The following COL27A1 variants were observed in gnomAD, a reference collection of about 807,000 sequenced individuals.
COL27A1 encodes collagen alpha-1(XXVII) chain.
Under a neutral mutation model 251.3 loss-of-function variants are expected in COL27A1, and 106 were observed. The observed-to-expected ratio is 0.42, with a 90% confidence interval of 0.36 to 0.50. The LOEUF (loss-of-function observed/expected upper bound fraction) is 0.50, where lower values mean the gene tolerates loss of function less well. Ranked by LOEUF, COL27A1 falls within the 20% of genes least tolerant of loss-of-function variation. The probability of loss-of-function intolerance (pLI) is 0.00; values close to 1 mark genes in which losing one functional copy is unlikely to be tolerated. For synonymous variants in COL27A1, 1,000 were observed against 986.3 expected (o/e 1.01, Z -0.26); for missense variants, 2,325 against 2,522.8 (o/e 0.92, Z 1.68).
chr9:114,207,578 A>G (rs1222140645), intron 10 of COL27A1, among the ~76,000 whole-genome samples: 1 of 152,148 alleles, frequency 6.6e-6, no homozygotes, highest in Non-Finnish European at 1.5e-5. Context: ...ATAGCAGGAG[A>G]GGACTGGTCT....
Position 114,194,396 on chromosome 9 carries a change from T to C in COL27A1, c.2017-8T>C, listed in dbSNP as rs763136568. On this transcript the variant is annotated splice_polypyrimidine_tract_variant and splice_region_variant and intron_variant, in intron 5 of 60. Transcript: ENST00000356083. ...TTGGTGGCCAAAGTGGAATTGTTTTTGTTTCAGGGACAGAAAGGGGACCCA... is the reference window on the plus strand; with the variant it reads ...TTGGTGGCCAAAGTGGAATTGTTTTCGTTTCAGGGACAGAAAGGGGACCCA... The C allele has an allele frequency of 6.2e-7, 1 of 1,613,478 alleles. No homozygotes were observed. The highest frequency in any genetic ancestry group is 1.1e-5 in the South Asian group (1 of 90,876).
intron 5 of COL27A1, among the ~76,000 whole-genome samples, chr9:114,186,733 A>G (rs1207982750): frequency 6.6e-6 from 1 of 152,238 alleles, no homozygotes; most frequent in Non-Finnish European, 1.5e-5. Context: ...GGATTTCAGC[A>G]GAATTGACAT....
intron 40 of COL27A1, 92 bp from the exon 41 acceptor site, chr9:114,284,632 G>A: frequency 7.3e-7 from 1 of 1,368,586 alleles, no homozygotes; most frequent in Non-Finnish European, 1.0e-6. Context: ...CTGGGACCCA[G>A]TTTTGCAGCC....
chr9:114,260,905 A>G (rs1075513), intron 28 of COL27A1, among the ~76,000 whole-genome samples: 2 of 151,928 alleles, frequency 1.3e-5, no homozygotes, highest in Admixed American at 1.3e-4. Context: ...AAGGACCCCA[A>G]GATTCCAATG....
chr9:114,310,416 C>A, intron 60 of COL27A1, 133 bp from the exon 61 acceptor site: 1 of 882,452 alleles, frequency 1.1e-6, no homozygotes, highest in Non-Finnish European at 1.8e-6. Flanking sequence ...CTAAATGTGC[C>A]ATATAGGTCA....
intron 5 of COL27A1, among the ~76,000 whole-genome samples, chr9:114,187,016 C>G (rs979608374): frequency 6.6e-5 from 10 of 152,238 alleles, no homozygotes; most frequent in African/African-American, 1.9e-4. Context: ...GCCACCTTGT[C>G]TCTGGTCTGG....
intron 7 of COL27A1, among the ~76,000 whole-genome samples, chr9:114,203,170 T>C (rs1266068249): frequency 6.6e-6 from 1 of 152,204 alleles, no homozygotes; most frequent in East Asian, 1.9e-4. Flanking sequence ...TTAATTAGAA[T>C]GTAAACTCCT....
chr9:114,294,098 A>T (rs1828101515), intron 49 of COL27A1, among the ~76,000 whole-genome samples: 1 of 148,796 alleles, frequency 6.7e-6, no homozygotes, highest in Admixed American at 6.7e-5. Flanking sequence ...AAAAAAAAAA[A>T]TTAGCCAGGC....
At chr9:114,294,675 T>C (rs1588887248) in intron 49 of COL27A1, among the ~76,000 whole-genome samples, 2 of 152,238 alleles carry the variant, frequency 1.3e-5, no homozygotes, top group Non-Finnish European at 2.9e-5. Flanking sequence ...AAACTAGGTA[T>C]AGAAGTTCCT....
intron 4 of COL27A1, 95 bp downstream of exon 4, chr9:114,178,439 G>A (rs1327418735): frequency 2.7e-6 from 3 of 1,123,844 alleles, no homozygotes; most frequent in Non-Finnish European, 4.1e-6. Flanking sequence ...GTGTCCTCAG[G>A]TTCTTCCCTC....
rs778752466 is a variant in COL27A1, at chr9:114,270,775, G to T, written c.3603G>T (p.Gly1201=). 1.2e-6 allele frequency: 2 copies of T among 1,612,488 alleles called. No individual in the cohort carries two copies. Among genetic ancestry groups the T allele is most frequent in the African/African-American group, 1.3e-5 (1 of 74,836 alleles). The stretch of plus-strand genomic sequence containing the variant: ...ACAGTGGCCCCATGGGACCTGATGG[G>T]CTGAAGGTAAGTGCCCTTTTAGGGC... ...EGDSGPMGPD[G]LKGDRGDPGP... is the part of the protein sequence containing the mutation. Residue 1201 remains glycine, a synonymous_variant, in exon 36 of 61, where the codon GGG becomes GGT. Coordinates refer to ENST00000356083, the MANE Select transcript of COL27A1 (RefSeq NM_032888.4).
In COL27A1 at chr9:114,167,748, C is replaced by A; in HGVS notation, c.193C>A (p.Pro65Thr). 1 of 1,613,862 alleles carries A rather than the reference C, an allele frequency of 6.2e-7. No homozygotes were observed. The highest frequency in any genetic ancestry group is 8.5e-7 in the Non-Finnish European group (1 of 1,180,006). Reference sequence around the variant, plus strand: ...GACGAAGGCCGGGAGCCCTGCACCCCCGGGAGTCATTCCTTTCCAGTCGGG... The same window carrying A: ...GACGAAGGCCGGGAGCCCTGCACCCACGGGAGTCATTCCTTTCCAGTCGGG... ...SWTKAGSPAPPGVIPFQSGFI... is the reference protein window; with the variant it reads ...SWTKAGSPAPTGVIPFQSGFI... Residue 65 changes from proline to threonine, a missense_variant, in exon 3 of 61, where the codon CCG (proline) becomes ACG (threonine). By Grantham distance (38) the Pro-to-Thr change is conservative. Coordinates refer to ENST00000356083, the MANE Select transcript of COL27A1 (RefSeq NM_032888.4).
chr9:114,167,625 T>C, intron 2 of COL27A1, 64 bp from the exon 3 acceptor site: 1 of 1,397,836 alleles, frequency 7.2e-7, no homozygotes. Flanking sequence ...CCTTAGGGGG[T>C]AGGGGGTGGG....
chr9:114,264,080 A>G (rs548478216), intron 28 of COL27A1, among the ~76,000 whole-genome samples: 2 of 152,318 alleles, frequency 1.3e-5, no homozygotes, highest in Non-Finnish European at 2.9e-5. Context: ...GTGACCCCCA[A>G]GGTCTCTCTG....
chr9:114,290,612 C>T lies in COL27A1; in HGVS notation c.4369-198C>T, dbSNP rs193198627. ...CCCGCCCCTTCCTCACTCAGAATCC[C>T]GCCCTTCCCCACTCACAATCCTCAG... is the stretch of plus-strand genomic sequence containing the variant. On this transcript the variant is annotated intron_variant, in intron 47 of 60. Transcript: ENST00000356083. This position sits in a 1 kb window ranked among gnomAD's most constrained non-coding sequence, Gnocchi z 4.6. Among the ~76,000 whole-genome samples the T allele has an allele frequency of 7.2e-5, 11 of 152,258 alleles. No individual in the cohort carries two copies. The highest frequency in any genetic ancestry group is 2.4e-4 in the African/African-American group (10 of 41,548).
rs543170990 is a variant in COL27A1, at chr9:114,275,496, C to T, written c.3610-165C>T. ...TTAGAGCTACACTGGGCTTGGCAGC[C>T]GAGTCACAGCACCCTGCCTTTTTGG... On this transcript the variant is annotated intron_variant, in intron 36 of 60. Coordinates refer to ENST00000356083, the MANE Select transcript of COL27A1 (RefSeq NM_032888.4). Among the ~76,000 whole-genome samples, 9 of 152,224 alleles carry T rather than the reference C, an allele frequency of 5.9e-5. No homozygotes were observed. In the South Asian group the frequency reaches 1.9e-3, roughly 32 times the overall value.
intron 7 of COL27A1, 73 bp from the exon 8 acceptor site, chr9:114,205,029 A>T: frequency 6.9e-7 from 1 of 1,458,096 alleles, no homozygotes; most frequent in Non-Finnish European, 9.6e-7. Flanking sequence ...GCAGGCCGGG[A>T]GGCTGGGCCC....
In COL27A1 at chr9:114,258,542, G is replaced by T; in HGVS notation, c.3143G>T (p.Gly1048Val). 6.2e-7 allele frequency: 1 copy of T among 1,613,894 alleles called. No homozygotes were observed. The highest frequency in any genetic ancestry group is 8.5e-7 in the Non-Finnish European group (1 of 1,179,938). ...CCAAACTCTTTCTCCTCTTCCCAGG[G>T]TCCTCCAGGATCTCGAGGCCCACCA... ...MGTPGEPGPQ[G>V]PPGSRGPPGM... Residue 1048 changes from glycine to valine, a missense_variant and splice_region_variant, in exon 28 of 61, where the codon GGT becomes GTT. By Grantham distance (109) the Gly-to-Val change is moderately radical. This residue lies in a region of COL27A1 where 662 missense variants were observed against 795.3 expected (regional missense o/e 0.83). Transcript: ENST00000356083.
chr9:114,210,825 C>A (rs770555757), intron 11 of COL27A1, among the ~76,000 whole-genome samples, 157 bp from the exon 12 acceptor site: 2 of 152,256 alleles, frequency 1.3e-5, no homozygotes, highest in Admixed American at 1.3e-4. Flanking sequence ...CCCTGCCATC[C>A]GTCTGATGTG....
Sources: gnomAD v4.1 joint callset for allele counts (sites outside exome capture counted in the v4.1 genomes callset) on GRCh38, gnomAD v4.1.1 for gene constraint, gnomAD v4.1.1 regional missense constraint, Gnocchi (gnomAD v3.1) non-coding constraint, MANE v1.5 for transcripts, NCBI Gene and HGNC (gene_info 2026-07-23, HGNC 2026-07-21) for gene names.